Variants in EEF1AKMT1 observed in about 807,000 individuals in gnomAD.
EEF1AKMT1 encodes N-6 adenine-specific DNA methyltransferase 2 (putative).
A neutral mutation model predicts 21.0 loss-of-function variants in EEF1AKMT1; 18 were observed. The ratio of observed to expected loss-of-function variants is 0.86; its 90% CI spans 0.59 to 1.27. The LOEUF is 1.27. Among genes scored for constraint, EEF1AKMT1 ranks in the 50% most tolerant of loss-of-function variants. The probability of loss-of-function intolerance (pLI) is 0.00; values close to 1 mark genes in which losing one functional copy is unlikely to be tolerated. For missense variants in EEF1AKMT1, 246 were observed against 258.6 expected, an observed-to-expected ratio of 0.95 and a Z score of 0.33; for synonymous variants, 109 against 94.8, an observed-to-expected ratio of 1.15 and a Z score of -0.87.
chr13:20,750,631 T>G (rs997610554), intron 2 of EEF1AKMT1, among the ~76,000 whole-genome samples: 1 of 152,224 alleles, frequency 6.6e-6, no homozygotes, highest in Non-Finnish European at 1.5e-5. Flanking sequence ...TTATTGTGAA[T>G]AGTGCTGCAA....
intron 1 of EEF1AKMT1, among the ~76,000 whole-genome samples, chr13:20,759,537 G>A (rs998913967): frequency 2.0e-5 from 3 of 151,554 alleles, no homozygotes; most frequent in African/African-American, 7.3e-5. Context: ...CCGAGATGGC[G>A]CTACTGCACT....
intron 2 of EEF1AKMT1, among the ~76,000 whole-genome samples, chr13:20,748,568 T>C (rs1445013868): frequency 6.6e-6 from 1 of 152,142 alleles, no homozygotes; most frequent in Non-Finnish European, 1.5e-5. Context: ...TCTCTGATCA[T>C]TTATTGCCAC....
At chr13:20,740,840 G>GAAACCCTTGACT (rs1376570085) in intron 2 of EEF1AKMT1, among the ~76,000 whole-genome samples, 38 of 152,016 alleles carry the variant, frequency 2.5e-4, no homozygotes, top group Non-Finnish European at 4.3e-4. Flanking sequence ...CTTTTAAAAG[G>GAAACCCTTGACT]TGAATTTATG....
At chr13:20,746,926 T>A (rs1202043158) in intron 2 of EEF1AKMT1, 1 of 152,368 alleles carries the variant, frequency 6.6e-6, no homozygotes, top group Non-Finnish European at 1.5e-5. Flanking sequence ...AAGGTATTTT[T>A]AAAATGGTGA....
chr13:20,763,944 C>A (rs2141436873), intron 1 of EEF1AKMT1, among the ~76,000 whole-genome samples: 1 of 146,256 alleles, frequency 6.8e-6, no homozygotes, highest in South Asian at 2.1e-4. Context: ...TTTCTAATGT[C>A]TTTAGGATCT....
chr13:20,758,215 G>C (rs969908430), intron 1 of EEF1AKMT1, among the ~76,000 whole-genome samples: 4 of 152,060 alleles, frequency 2.6e-5, no homozygotes, highest in Non-Finnish European at 4.4e-5. Context: ...GCTGCCTGCA[G>C]GTTTCATCTA....
chr13:20,737,698 C>A, intron 3 of EEF1AKMT1, 25 bp downstream of exon 3: 1 of 1,597,064 alleles, frequency 6.3e-7, no homozygotes, highest in Non-Finnish European at 8.6e-7. Context: ...CATTAGATGC[C>A]AAAAAGAGAA....
intron 4 of EEF1AKMT1, among the ~76,000 whole-genome samples, chr13:20,730,828 A>C (rs943825963): frequency 6.6e-6 from 1 of 152,318 alleles, no homozygotes; most frequent in South Asian, 2.1e-4. Context: ...GCCACCCCGC[A>C]GCCAGCAGTG....
chr13:20,764,089 T>C (rs979396670), intron 1 of EEF1AKMT1, among the ~76,000 whole-genome samples: 5 of 152,232 alleles, frequency 3.3e-5, no homozygotes, highest in Admixed American at 6.5e-5. Flanking sequence ...TTCAATTTCA[T>C]TGATTTCTGC....
chr13:20,766,549 C>T (rs2059033953), intron 1 of EEF1AKMT1, among the ~76,000 whole-genome samples: 2 of 151,618 alleles, frequency 1.3e-5, no homozygotes, highest in Non-Finnish European at 2.9e-5. Flanking sequence ...TGGCTGGGTG[C>T]GGTGGCTCAC....
At chr13:20,758,026 A>G (rs2058980179) in intron 1 of EEF1AKMT1, among the ~76,000 whole-genome samples, 1 of 152,144 alleles carries the variant, frequency 6.6e-6, no homozygotes, top group Non-Finnish European at 1.5e-5. Context: ...CCCCAAATAT[A>G]TTTTTTGACA....
chr13:20,773,321 T>A (rs780913567), intron 1 of EEF1AKMT1, among the ~76,000 whole-genome samples: 7 of 152,162 alleles, frequency 4.6e-5, no homozygotes, highest in Non-Finnish European at 1.0e-4. Context: ...GGACCCGCTA[T>A]CGTCCCAGCA....
intron 2 of EEF1AKMT1, among the ~76,000 whole-genome samples, chr13:20,754,392 G>T (rs1381244974): frequency 6.6e-6 from 1 of 150,932 alleles, no homozygotes; most frequent in East Asian, 2.0e-4. Context: ...AGTCACTTTT[G>T]TCTTGCTGTT....
intron 1 of EEF1AKMT1, among the ~76,000 whole-genome samples, chr13:20,764,251 T>C (rs574917817): frequency 6.6e-6 from 1 of 152,316 alleles, no homozygotes; most frequent in African/African-American, 2.4e-5. Context: ...ATTTTTGTCC[T>C]TTTTCACCCA....
intron 2 of EEF1AKMT1, among the ~76,000 whole-genome samples, chr13:20,743,412 T>G (rs1425032325): frequency 6.6e-6 from 1 of 151,724 alleles, no homozygotes; most frequent in Non-Finnish European, 1.5e-5. Context: ...CCACCTTGAC[T>G]TTAATTTTGT....
chr13:20,733,699 A>C lies in EEF1AKMT1; in HGVS notation c.228-1578T>G, dbSNP rs559505582. Among the ~76,000 whole-genome samples, 7 of 152,360 alleles carry C rather than the reference A, an allele frequency of 4.6e-5. No homozygotes were observed. The South Asian group carries it at 1.4e-3, about 32-fold the overall frequency. On this transcript the variant is annotated intron_variant, in intron 3 of 4. Coordinates refer to ENST00000382758, the MANE Select transcript of EEF1AKMT1 (RefSeq NM_001318939.2). ...GACCTCTAGAAGGTGTCCAAGAGAC[A>C]GTGACCATGACTGCCTCATGGGAGA...
intron 3 of EEF1AKMT1, among the ~76,000 whole-genome samples, chr13:20,733,813 CTG>C (rs1484748708): frequency 1.3e-5 from 2 of 152,190 alleles, no homozygotes; most frequent in Non-Finnish European, 2.9e-5. Context: ...TGTGCATACA[CTG>C]TCATTCAAAA....
intron 2 of EEF1AKMT1, among the ~76,000 whole-genome samples, chr13:20,752,456 T>C (rs1315993459): frequency 1.3e-5 from 2 of 152,188 alleles, no homozygotes; most frequent in Non-Finnish European, 2.9e-5. Context: ...GTTTGTTGAT[T>C]TGCAGGTGTT....
intron 1 of EEF1AKMT1, among the ~76,000 whole-genome samples, chr13:20,764,475 T>C (rs1318126153): frequency 6.6e-6 from 1 of 152,182 alleles, no homozygotes; most frequent in Non-Finnish European, 1.5e-5. Context: ...AATGTGTATT[T>C]TGATGTTGTT....
Sources: gnomAD v4.1 joint callset for allele counts (sites outside exome capture counted in the v4.1 genomes callset) on GRCh38, gnomAD v4.1.1 for gene constraint, MANE v1.5 for transcripts, NCBI Gene and HGNC (gene_info 2026-07-23, HGNC 2026-07-21) for gene names.